CNTNAP2: variants seen among roughly 807,000 people sequenced by gnomAD.
CNTNAP2 encodes the protein contactin-associated protein-like 2.
In CNTNAP2, 98 loss-of-function variants were observed where a neutral mutation model predicts 155.2. That is an observed-to-expected ratio of 0.63 (90% CI 0.54 to 0.75). The LOEUF (loss-of-function observed/expected upper bound fraction) is 0.75. Ranked by LOEUF, CNTNAP2 falls within the 30% of genes least tolerant of loss-of-function variation. CNTNAP2 has a pLI of 0.00. For missense variants in CNTNAP2, 1,727 were observed against 1,688.1 expected, an observed-to-expected ratio of 1.02 and a Z score of -0.40; for synonymous variants, 651 against 631.2, an observed-to-expected ratio of 1.03 and a Z score of -0.47.
intron 13 of CNTNAP2, among the ~76,000 whole-genome samples, chr7:147,698,574 T>G (rs887145084): frequency 2.0e-5 from 3 of 152,200 alleles, no homozygotes; most frequent in South Asian, 2.1e-4. Flanking sequence ...TGACAGGACT[T>G]TTTTTTAAGA....
intron 13 of CNTNAP2, among the ~76,000 whole-genome samples, chr7:147,824,907 A>T (rs1346605769): frequency 6.6e-6 from 1 of 152,116 alleles, no homozygotes; most frequent in Non-Finnish European, 1.5e-5. Context: ...CCATATAGGG[A>T]AGGCAGACAG....
intron 10 of CNTNAP2, among the ~76,000 whole-genome samples, chr7:147,421,370 G>C (rs1797287923): frequency 6.6e-6 from 1 of 152,044 alleles, no homozygotes; most frequent in Admixed American, 6.6e-5. Flanking sequence ...AGACATTGTA[G>C]AGTTTCTTTC....
At chr7:146,177,864 T>C (rs531331275) in intron 1 of CNTNAP2, among the ~76,000 whole-genome samples, 1 of 152,300 alleles carries the variant, frequency 6.6e-6, no homozygotes, top group Admixed American at 6.5e-5. Context: ...TTATTGTTTC[T>C]GTTGTTTCAT....
rs149821381 is a variant in CNTNAP2 at position 146,847,311 on chromosome 7, C to T, written c.402+7407C>T. ...ATGTGCCTGGAGACGCCTGAGAGGC[C>T]GTGGAATGAGTAATTCTATGTTACA... On this transcript the variant is annotated intron_variant, in intron 3 of 23. Transcript: ENST00000361727. 1.9e-3 allele frequency among the ~76,000 whole-genome samples: 287 copies of T among 152,098 alleles called. 1 individual carries two copies. Among genetic ancestry groups the T allele is most frequent in the African/African-American group, 4.8e-3 (201 of 41,478 alleles).
chr7:146,288,822 T>TG (rs1213379357), intron 1 of CNTNAP2, among the ~76,000 whole-genome samples: 1 of 136,080 alleles, frequency 7.3e-6, no homozygotes, highest in African/African-American at 3.3e-5. Flanking sequence ...TTTTTTTTTT[T>TG]GAGACAGAAT....
chr7:147,957,777 T>C (rs1801044838), intron 14 of CNTNAP2, among the ~76,000 whole-genome samples: 1 of 152,040 alleles, frequency 6.6e-6, no homozygotes, highest in Admixed American at 6.6e-5. Flanking sequence ...AAAAAAGATA[T>C]AAAGAAGAAA....
chr7:148,296,368 C>T (rs796656094), intron 21 of CNTNAP2, among the ~76,000 whole-genome samples: 11 of 151,510 alleles, frequency 7.3e-5, no homozygotes, highest in South Asian at 6.3e-4. Context: ...AGACCCCCCC[C>T]GCCCACCATC....
chr7:146,563,108 G>T (rs1194463492), intron 1 of CNTNAP2, among the ~76,000 whole-genome samples: 1 of 152,094 alleles, frequency 6.6e-6, no homozygotes, highest in African/African-American at 2.4e-5. Flanking sequence ...AAGAAAATAC[G>T]GAAGTGAACT....
chr7:146,772,473 A>G (rs1175453909), intron 1 of CNTNAP2, among the ~76,000 whole-genome samples: 1 of 147,776 alleles, frequency 6.8e-6, no homozygotes, highest in Non-Finnish European at 1.5e-5. Flanking sequence ...CCTGGCTAAC[A>G]TGGTGAAACC....
intron 1 of CNTNAP2, among the ~76,000 whole-genome samples, chr7:146,186,148 T>G (rs1253251243): frequency 1.3e-5 from 2 of 152,178 alleles, no homozygotes; most frequent in African/African-American, 4.8e-5. Flanking sequence ...GTGTGCTAAA[T>G]TCTACTCTGC....
At chr7:146,583,579 C>T (rs959615854) in intron 1 of CNTNAP2, among the ~76,000 whole-genome samples, 3 of 152,102 alleles carry the variant, frequency 2.0e-5, no homozygotes, top group African/African-American at 7.2e-5. Context: ...ATGTAAGAAA[C>T]TCAGAACAAG....
chr7:147,110,218 C>G (rs1212762322), intron 5 of CNTNAP2, among the ~76,000 whole-genome samples: 1 of 152,084 alleles, frequency 6.6e-6, no homozygotes, highest in African/African-American at 2.4e-5. Context: ...CGTGCCTGGC[C>G]CTGTTGTTGT....
intron 12 of CNTNAP2, among the ~76,000 whole-genome samples, chr7:147,624,670 T>C (rs1429708294): frequency 6.6e-6 from 1 of 152,116 alleles, no homozygotes; most frequent in Non-Finnish European, 1.5e-5. Context: ...GAAATGTAAA[T>C]TAGTACAACC....
At chr7:147,905,171 T>C (rs1300390516) in intron 14 of CNTNAP2, among the ~76,000 whole-genome samples, 3 of 152,226 alleles carry the variant, frequency 2.0e-5, no homozygotes, top group Admixed American at 6.5e-5. Context: ...CTTTTATTAC[T>C]AGTTGTGTGT....
At chr7:146,525,299 A>AAAAGTATTTTGT (rs200844975) in intron 1 of CNTNAP2, among the ~76,000 whole-genome samples, 5,388 of 152,200 alleles carry the variant, frequency 0.035, 305 homozygotes, top group African/African-American at 0.12. Context: ...CTTGTTTTCG[A>AAAAGTATTTTGT]AACAACGCCA....
chr7:147,661,250 G>A (rs534789680), intron 13 of CNTNAP2, among the ~76,000 whole-genome samples: 5 of 151,002 alleles, frequency 3.3e-5, no homozygotes, highest in Non-Finnish European at 5.9e-5. Flanking sequence ...AGAGAATGCC[G>A]TGTCATTTTT....
At chr7:146,838,705 T>C (rs948901946) in intron 2 of CNTNAP2, among the ~76,000 whole-genome samples, 9 of 152,256 alleles carry the variant, frequency 5.9e-5, no homozygotes, top group African/African-American at 2.2e-4. Flanking sequence ...GTAACCATTA[T>C]TATTTGAATA....
intron 14 of CNTNAP2, among the ~76,000 whole-genome samples, chr7:147,974,601 G>A (rs1184471040): frequency 6.6e-6 from 1 of 151,882 alleles, no homozygotes; most frequent in East Asian, 1.9e-4. Flanking sequence ...CTCCAGCCTG[G>A]GCAACAAGAG....
At chr7:147,222,018 A>AT (rs1034559408) in intron 8 of CNTNAP2, among the ~76,000 whole-genome samples, 4 of 151,688 alleles carry the variant, frequency 2.6e-5, no homozygotes, top group African/African-American at 9.7e-5. Context: ...TTCTTTCAGG[A>AT]TTTTTTCTTT....
Sources: allele counts gnomAD v4.1 joint callset (sites outside exome capture counted in the v4.1 genomes callset), GRCh38; gene constraint gnomAD v4.1.1; transcripts MANE v1.5; gene names NCBI Gene and HGNC (gene_info 2026-07-23, HGNC 2026-07-21).